SYNPR: variants seen among roughly 807,000 people sequenced by gnomAD.
SYNPR encodes the protein synaptoporin.
In SYNPR, 23 loss-of-function variants were observed where a neutral mutation model predicts 32.9. The ratio of observed to expected loss-of-function variants is 0.70; its 90% CI spans 0.50 to 0.99. The LOEUF is 0.99. Ranked by LOEUF, SYNPR falls within the 50% of genes least tolerant of loss-of-function variation. SYNPR has a pLI of 0.00. For synonymous variants in SYNPR, 146 were observed against 135.9 expected (o/e 1.07, Z -0.52); for missense variants, 318 against 349.3 (o/e 0.91, Z 0.71).
chr3:63,297,465 T>C (rs551033891), intron 2 of SYNPR, among the ~76,000 whole-genome samples: 1 of 152,336 alleles, frequency 6.6e-6, no homozygotes, highest in East Asian at 1.9e-4. Context: ...AAATTGGTGC[T>C]AATTTGTTAG....
At chr3:63,249,161 C>G (rs531750177) in intron 1 of SYNPR, among the ~76,000 whole-genome samples, 1 of 152,074 alleles carries the variant, frequency 6.6e-6, no homozygotes, top group Admixed American at 6.6e-5. Flanking sequence ...GAATGTAAGA[C>G]GCAAAAGGCC....
At chr3:63,302,895 G>T (rs1395838485) in intron 2 of SYNPR, among the ~76,000 whole-genome samples, 1 of 151,862 alleles carries the variant, frequency 6.6e-6, no homozygotes, top group East Asian at 1.9e-4. Flanking sequence ...AAAATAGCTA[G>T]AATAGAATAA....
chr3:63,366,243 G>A (rs952605050), intron 2 of SYNPR, among the ~76,000 whole-genome samples: 34 of 151,860 alleles, frequency 2.2e-4, no homozygotes, highest in Admixed American at 2.0e-3. Context: ...CAAAACCGAG[G>A]GGTTTTTTTC....
At chr3:63,313,958 TC>T (rs1344313311) in intron 2 of SYNPR, among the ~76,000 whole-genome samples, 33 of 13,202 alleles carry the variant, frequency 2.5e-3, no homozygotes, top group Non-Finnish European at 3.2e-3. Flanking sequence ...TATATATATA[TC>T]CATATATATA....
At chr3:63,322,538 A>T (rs2087122097) in intron 2 of SYNPR, among the ~76,000 whole-genome samples, 1 of 152,054 alleles carries the variant, frequency 6.6e-6, no homozygotes, top group Admixed American at 6.6e-5. Flanking sequence ...TGCCTTCACA[A>T]ATGTAAATTA....
At chr3:63,322,218 G>A (rs896546290) in intron 2 of SYNPR, among the ~76,000 whole-genome samples, 2 of 152,056 alleles carry the variant, frequency 1.3e-5, no homozygotes, top group African/African-American at 4.8e-5. Context: ...CAACTTTTGT[G>A]ATGAGCATAC....
chr3:63,256,558 A>G (rs953599277), intron 2 of SYNPR, among the ~76,000 whole-genome samples: 2 of 152,070 alleles, frequency 1.3e-5, no homozygotes, highest in Non-Finnish European at 2.9e-5. Context: ...CCACACCAAA[A>G]CCCCATCTGT....
At chr3:63,517,070 C>T (rs1701814453) in intron 3 of SYNPR, among the ~76,000 whole-genome samples, 1 of 152,068 alleles carries the variant, frequency 6.6e-6, no homozygotes, top group African/African-American at 2.4e-5. Context: ...TGATCTATAT[C>T]CATGTGATAT....
chr3:63,525,176 G>A (rs1415291437), intron 3 of SYNPR, among the ~76,000 whole-genome samples: 1 of 152,116 alleles, frequency 6.6e-6, no homozygotes, highest in Non-Finnish European at 1.5e-5. Context: ...ATCCATGTAT[G>A]TATATCACAT....
At chr3:63,524,135 C>A (rs1701961739) in intron 3 of SYNPR, among the ~76,000 whole-genome samples, 1 of 151,716 alleles carries the variant, frequency 6.6e-6, no homozygotes. Context: ...AGGAAGCTTC[C>A]TATCAGTCAT....
Position 63,408,194 on chromosome 3 carries a change from GAGGA to G in SYNPR, c.85-72604_85-72601del, listed in dbSNP as rs751071327. Among the ~76,000 whole-genome samples the G allele has an allele frequency of 2.1e-3, 104 of 50,076 alleles. 3 individuals carry two copies. The highest frequency in any genetic ancestry group is 5.4e-3 in the Admixed American group (23 of 4,276). 32.9% of individuals were successfully genotyped at this position (50,076 alleles called of 152,430 possible). On this transcript the variant is annotated intron_variant, in intron 2 of 5. Transcript: ENST00000478300. ...AGAAAGAAAGAAAGAAAGAAAGAAA[GAGGA>G]AGGAAGGAAGGAAGGAAGGAAGGAA...
chr3:63,400,747 T>C (rs1250223658), intron 2 of SYNPR, among the ~76,000 whole-genome samples: 1 of 152,216 alleles, frequency 6.6e-6, no homozygotes, highest in African/African-American at 2.4e-5. Context: ...TGTGGACATA[T>C]GTCAAACCCA....
rs527318460 is a variant in SYNPR at position 63,598,365 on chromosome 3, A to G, written c.409-10760A>G. ...CTATTAATTACATTTAGAAAAAAAT[A>G]TATTTGCTAACAGCAACTTATGAAA... On this transcript the variant is annotated intron_variant, in intron 4 of 5. Coordinates refer to ENST00000478300, the MANE Select transcript of SYNPR (RefSeq NM_001130003.2). Among the ~76,000 whole-genome samples the G allele has an allele frequency of 3.3e-5, 5 of 152,310 alleles. No homozygotes were observed. The South Asian group carries it at 8.3e-4, about 25-fold the overall frequency.
intron 3 of SYNPR, among the ~76,000 whole-genome samples, chr3:63,485,557 A>G (rs1181084809): frequency 1.3e-5 from 2 of 152,036 alleles, no homozygotes; most frequent in African/African-American, 4.8e-5. Context: ...GGGAATGGAA[A>G]ATAGAATTCA....
intron 1 of SYNPR, among the ~76,000 whole-genome samples, chr3:63,248,308 G>T (rs1385340786): frequency 6.6e-6 from 1 of 152,120 alleles, no homozygotes; most frequent in Non-Finnish European, 1.5e-5. Context: ...ATACCTCGCA[G>T]TATTGCCTGG....
chr3:63,482,852 C>T (rs1426298897), intron 3 of SYNPR, among the ~76,000 whole-genome samples: 1 of 152,096 alleles, frequency 6.6e-6, no homozygotes, highest in African/African-American at 2.4e-5. Context: ...TGGGGAAAAT[C>T]TCAGTAATAA....
chr3:63,238,306 C>A (rs144504240), intron 1 of SYNPR, among the ~76,000 whole-genome samples: 355 of 152,080 alleles, frequency 2.3e-3, no homozygotes, highest in African/African-American at 6.9e-3. Flanking sequence ...GAACCTATTT[C>A]ATTTTAATGA....
chr3:63,614,932 A>G (rs116199752), intron 5 of SYNPR, among the ~76,000 whole-genome samples: 2 of 152,318 alleles, frequency 1.3e-5, no homozygotes, highest in African/African-American at 2.4e-5. Context: ...ACCTTAGACA[A>G]GCTTTCCACA....
intron 2 of SYNPR, among the ~76,000 whole-genome samples, chr3:63,284,132 T>G (rs9311865): frequency 0.071 from 10,874 of 152,200 alleles, 418 homozygotes; most frequent in Middle Eastern, 0.099. Context: ...ATTTTGCTAC[T>G]TTAGTATTTT....
Sources: gnomAD v4.1 joint callset for allele counts (sites outside exome capture counted in the v4.1 genomes callset) on GRCh38, gnomAD v4.1.1 for gene constraint, MANE v1.5 for transcripts, NCBI Gene and HGNC (gene_info 2026-07-23, HGNC 2026-07-21) for gene names.